The following TPRG1 variants were observed in gnomAD, a reference collection of about 807,000 sequenced individuals.
TPRG1 encodes the protein tumor protein p63 regulated 1.
TPRG1 carries 29 observed loss-of-function variants against 29.3 expected under a neutral mutation model. That is an observed-to-expected ratio of 0.99 (90% CI 0.74 to 1.35). The LOEUF (loss-of-function observed/expected upper bound fraction) is 1.35, where lower values mean the gene tolerates loss of function less well. TPRG1 is among the 40% of genes most tolerant of loss of function. The probability of loss-of-function intolerance (pLI) is 0.00; values close to 1 mark genes in which losing one functional copy is unlikely to be tolerated. For synonymous variants in TPRG1, 130 were observed against 116.8 expected (o/e 1.11, Z -0.73); for missense variants, 327 against 335.0 (o/e 0.98, Z 0.19).
chr3:189,221,024 A>T (rs1349500941), intron 3 of TPRG1, among the ~76,000 whole-genome samples: 1 of 152,168 alleles, frequency 6.6e-6, no homozygotes, highest in African/African-American at 2.4e-5. Context: ...TTACTCTCCA[A>T]ACTGTCAATG....
chr3:189,310,326 C>CT (rs1414278120), intron 4 of TPRG1, 60 bp from the exon 5 acceptor site: 27 of 1,253,612 alleles, frequency 2.2e-5, no homozygotes, highest in South Asian at 3.2e-5. Flanking sequence ...GTATTACATT[C>CT]TATTTTTTTT....
intron 1 of TPRG1, among the ~76,000 whole-genome samples, chr3:189,118,446 A>G (rs946464881): frequency 6.6e-6 from 1 of 152,346 alleles, no homozygotes; most frequent in East Asian, 1.9e-4. Flanking sequence ...AGAAAGTTGT[A>G]TAAGTATCAA....
At chr3:189,137,296 A>ATGTGTGTGTGTGTGTGTGTGTG (rs10525363) in intron 3 of TPRG1, among the ~76,000 whole-genome samples, 1 of 129,844 alleles carries the variant, frequency 7.7e-6, no homozygotes, top group East Asian at 2.3e-4. Flanking sequence ...AAACCCCAAA[A>ATGTGTGTGTGTGTGTGTGTGTG]TGTGTGTGTG....
chr3:189,285,591 C>A (rs1717922419), intron 4 of TPRG1, among the ~76,000 whole-genome samples: 1 of 152,214 alleles, frequency 6.6e-6, no homozygotes, highest in South Asian at 2.1e-4. Context: ...CAAAGCGTTT[C>A]CTAACATTTT....
At position 189,237,026 on chromosome 3, in the gene TPRG1, G is replaced by A. The variant is rs115951500; in HGVS notation, c.303-1707G>A. On this transcript the variant is annotated intron_variant, in intron 3 of 5. Coordinates refer to ENST00000345063, the MANE Select transcript of TPRG1 (RefSeq NM_198485.4). ...CCCCAAATGGATGATGTGAGTACTA[G>A]TATTGTCTTCATTTCACAGACGTGG... Among the ~76,000 whole-genome samples, 631 of 152,222 alleles carry A rather than the reference G, an allele frequency of 4.1e-3. 5 individuals carry two copies. Among genetic ancestry groups the A allele is most frequent in the African/African-American group, 0.014 (589 of 41,540 alleles).
intron 3 of TPRG1, among the ~76,000 whole-genome samples, chr3:189,014,430 G>T (rs1420124017): frequency 2.0e-5 from 3 of 152,000 alleles, no homozygotes; most frequent in Admixed American, 6.6e-5. Flanking sequence ...CTCTCTCACT[G>T]CCCTTAACAT....
intron 3 of TPRG1, among the ~76,000 whole-genome samples, chr3:189,018,109 C>A (rs948699502): frequency 6.6e-6 from 1 of 152,132 alleles, no homozygotes; most frequent in Admixed American, 6.6e-5. Flanking sequence ...TGTTGAAGTT[C>A]TTTGTAGATT....
chr3:189,009,181 A>T (rs952867971), intron 3 of TPRG1, among the ~76,000 whole-genome samples: 1 of 152,048 alleles, frequency 6.6e-6, no homozygotes, highest in Non-Finnish European at 1.5e-5. Context: ...TTCGTGGCCC[A>T]CCGGCTGGCT....
intron 3 of TPRG1, among the ~76,000 whole-genome samples, chr3:189,220,386 G>A (rs1736761622): frequency 6.6e-6 from 1 of 152,042 alleles, no homozygotes; most frequent in Non-Finnish European, 1.5e-5. Context: ...TGCACCAAAT[G>A]TTTTGATGTC....
chr3:189,101,091 T>C (rs2152190535), intron 1 of TPRG1, among the ~76,000 whole-genome samples: 1 of 152,310 alleles, frequency 6.6e-6, no homozygotes, highest in East Asian at 1.9e-4. Context: ...CTCTCTCACA[T>C]ACCTGCATCC....
rs973348714 is a variant in TPRG1, at chr3:189,238,750, A to G, written c.320A>G (p.Asn107Ser). 2.5e-6 allele frequency: 4 copies of G among 1,612,264 alleles called. No homozygotes were observed. Among genetic ancestry groups the G allele is most frequent in the Non-Finnish European group, 3.4e-6 (4 of 1,178,898 alleles). ...TCCTATAGGATAGACCACTGGAACA[A>G]TGAGAAGGAGAGAATTCTACTGGTC... ...WLLTKIDHWN[N>S]EKERILLVTD... The change falls in exon 4 of 6, where the codon AAT (asparagine) becomes AGT (serine). Residue 107 changes from asparagine to serine, a missense_variant. Transcript: ENST00000345063.
intron 2 of TPRG1, among the ~76,000 whole-genome samples, chr3:189,214,570 C>A (rs1735751192): frequency 6.6e-6 from 1 of 152,182 alleles, no homozygotes; most frequent in South Asian, 2.1e-4. Context: ...TCTCTTAGTA[C>A]AGTCTCCACA....
rs752430632 is a variant in TPRG1 at position 189,323,295 on chromosome 3, T to A, written c.*2475T>A. ...GCTAGTACTTAGTTAATTAGACCCA[T>A]TTTTTTCTTAGGAAAGAGTTGGATC... On this transcript the variant is annotated 3_prime_UTR_variant, in exon 6 of 6. Transcript: ENST00000345063. 6.6e-6 allele frequency: 1 copy of A among 152,036 alleles called. No homozygotes were observed. The highest frequency in any genetic ancestry group is 2.4e-5 in the African/African-American group (1 of 41,402). 9.4% of individuals were successfully genotyped at this position (152,036 alleles called of 1,614,324 possible).
chr3:189,315,117 C>T (rs1216416297), intron 5 of TPRG1, among the ~76,000 whole-genome samples: 1 of 151,958 alleles, frequency 6.6e-6, no homozygotes, highest in African/African-American at 2.4e-5. Context: ...TGTGATTATA[C>T]CATTGCATTC....
intron 1 of TPRG1, among the ~76,000 whole-genome samples, chr3:189,117,495 AG>A (rs968148409): frequency 6.4e-4 from 98 of 152,346 alleles, no homozygotes; most frequent in African/African-American, 2.3e-3. Context: ...CAAATATAAA[AG>A]TGATAGAAGA....
At chr3:189,103,127 G>A (rs1290763221) in intron 1 of TPRG1, among the ~76,000 whole-genome samples, 1 of 152,152 alleles carries the variant, frequency 6.6e-6, no homozygotes, top group Non-Finnish European at 1.5e-5. Context: ...AATACCTAGA[G>A]CCAGGGTGGC....
At chr3:189,281,293 C>T (rs1417070847) in intron 4 of TPRG1, among the ~76,000 whole-genome samples, 2 of 152,136 alleles carry the variant, frequency 1.3e-5, no homozygotes, top group African/African-American at 4.8e-5. Context: ...TCACTTCCCA[C>T]AAATGTGAAA....
At chr3:189,306,166 G>T (rs1003165190) in intron 4 of TPRG1, among the ~76,000 whole-genome samples, 1 of 152,116 alleles carries the variant, frequency 6.6e-6, no homozygotes. Flanking sequence ...CTAAGAAAAT[G>T]GTGGAATTGA....
intron 4 of TPRG1, among the ~76,000 whole-genome samples, chr3:189,085,564 C>T (rs1717883898): frequency 6.6e-6 from 1 of 152,036 alleles, no homozygotes; most frequent in East Asian, 1.9e-4. Context: ...TTCATTCTTT[C>T]CTGGGAGAGT....
Sources: gnomAD v4.1 joint callset for allele counts (sites outside exome capture counted in the v4.1 genomes callset) on GRCh38, gnomAD v4.1.1 for gene constraint, MANE v1.5 for transcripts, NCBI Gene and HGNC (gene_info 2026-07-23, HGNC 2026-07-21) for gene names.